Variants in PTPN20 observed in about 807,000 individuals in gnomAD.
PTPN20 encodes the protein tyrosine-protein phosphatase non-receptor type 20.
A neutral mutation model predicts 35.0 loss-of-function variants in PTPN20; 9 were observed. The ratio of observed to expected loss-of-function variants is 0.26; its 90% CI spans 0.15 to 0.45. PTPN20 has a LOEUF of 0.45. PTPN20 is among the 20% of genes least tolerant of loss of function. PTPN20 has a pLI of 1.00. For synonymous variants in PTPN20, 32 were observed against 100.2 expected (o/e 0.32, Z 4.06); for missense variants, 111 against 312.5 (o/e 0.36, Z 4.86).
Position 46,999,930 on chromosome 10 carries a change from GT to G in PTPN20, c.1154del (p.Val385GlyfsTer4). On this transcript the variant is annotated frameshift_variant, in exon 10 of 11. Transcript: ENST00000374339. LOFTEE classifies it high-confidence loss of function. Reference sequence around the variant, plus strand: ...ATTACAGTTCAACATCATGGATATAGTGGCCCAAATGAGAGAACAACGTTCT... The same window carrying G: ...ATTACAGTTCAACATCATGGATATAGGGCCCAAATGAGAGAACAACGTTCT... ...KNCSFNIMDI[V>X]AQMREQRSGM... 6.2e-7 allele frequency: 1 copy of G among 1,613,692 alleles called. No individual in the cohort carries two copies.
chr10:46,940,579 T>C, intron 2 of PTPN20, 44 bp from the exon 3 acceptor site: 1 of 1,532,998 alleles, frequency 6.5e-7, no homozygotes, highest in Non-Finnish European at 9.0e-7. Context: ...TCCTTCTGTA[T>C]AGTGTTTTCT....
At chr10:46,994,233 C>T (rs1251607397) in intron 9 of PTPN20, among the ~76,000 whole-genome samples, 5 of 150,480 alleles carry the variant, frequency 3.3e-5, no homozygotes, top group African/African-American at 1.2e-4. Context: ...TTAGGATCCT[C>T]TCTTTATCCT....
At chr10:46,915,755 C>A (rs1235622448) in intron 1 of PTPN20, among the ~76,000 whole-genome samples, 1 of 28,458 alleles carries the variant, frequency 3.5e-5, no homozygotes, top group African/African-American at 2.9e-4. Context: ...AGGAGAATCA[C>A]TGGAATCTGG....
At chr10:46,997,100 C>T (rs2059244534) in intron 9 of PTPN20, among the ~76,000 whole-genome samples, 1 of 152,112 alleles carries the variant, frequency 6.6e-6, no homozygotes, top group African/African-American at 2.4e-5. Flanking sequence ...TCTTCCAATC[C>T]ATGAACATGG....
Position 47,000,667 on chromosome 10 carries a change from T to A in PTPN20, c.1198-9T>A. ...AACATTCTGTTGTTTTTTATATATA[T>A]GTATATAGGAGCAGTATCACTTTTG... is the stretch of plus-strand genomic sequence containing the variant. On this transcript the variant is annotated splice_polypyrimidine_tract_variant and intron_variant, in intron 10 of 10. Coordinates refer to ENST00000374339, the MANE Select transcript of PTPN20 (RefSeq NM_001042357.5). 3.7e-6 allele frequency: 6 copies of A among 1,613,170 alleles called. No individual in the cohort carries two copies. In the South Asian group the frequency reaches 6.6e-5, roughly 18 times the overall value.
At chr10:46,998,308 A>T (rs1377958310) in intron 9 of PTPN20, among the ~76,000 whole-genome samples, 1 of 152,188 alleles carries the variant, frequency 6.6e-6, no homozygotes, top group Non-Finnish European at 1.5e-5. Flanking sequence ...AAGGAAGCAA[A>T]CTATTGTTAC....
intron 1 of PTPN20, among the ~76,000 whole-genome samples, chr10:46,932,032 T>C (rs1233698087): frequency 2.0e-5 from 3 of 147,696 alleles, no homozygotes; most frequent in Admixed American, 1.3e-4. Flanking sequence ...TTTAAATAAC[T>C]GAGTTTCCAT....
chr10:46,948,613 A>G (rs1271812220), intron 5 of PTPN20, among the ~76,000 whole-genome samples: 1 of 150,984 alleles, frequency 6.6e-6, no homozygotes, highest in Non-Finnish European at 1.5e-5. Context: ...GCAGGGTGTC[A>G]GCTGGGGTGC....
chr10:47,002,566 A>G (rs1022749280), downstream of PTPN20: 11 of 152,168 alleles, frequency 7.2e-5, no homozygotes, highest in East Asian at 2.1e-3. Context: ...AAATAATTTT[A>G]TATCAATAAT....
chr10:46,965,922 C>CT (rs2050445835), intron 6 of PTPN20, among the ~76,000 whole-genome samples: 1 of 23,408 alleles, frequency 4.3e-5, no homozygotes, highest in Non-Finnish European at 6.1e-5. Context: ...TTATTGGTTA[C>CT]TCTTTTTTTT....
chr10:46,997,417 G>C (rs1407507463), intron 9 of PTPN20, among the ~76,000 whole-genome samples: 2 of 150,208 alleles, frequency 1.3e-5, no homozygotes, highest in Admixed American at 6.6e-5. Flanking sequence ...GTCATGCCAT[G>C]TGCATATAGA....
chr10:46,993,962 G>A (rs1343547308), intron 9 of PTPN20, among the ~76,000 whole-genome samples: 2 of 152,080 alleles, frequency 1.3e-5, no homozygotes, highest in Admixed American at 6.5e-5. Context: ...TGAAGAACTC[G>A]CTTTAGCATT....
intron 7 of PTPN20, chr10:46,981,376 T>C (rs2055336071): frequency 1.4e-5 from 2 of 147,244 alleles, no homozygotes; most frequent in African/African-American, 5.0e-5. Context: ...CTCAGCAACA[T>C]GGACTTCCAC....
intron 1 of PTPN20, among the ~76,000 whole-genome samples, chr10:46,928,041 C>T (rs2038193238): frequency 6.7e-6 from 1 of 150,024 alleles, no homozygotes; most frequent in Non-Finnish European, 1.5e-5. Context: ...AGAGTCATTT[C>T]AGAAAGATGT....
intron 4 of PTPN20, among the ~76,000 whole-genome samples, chr10:46,945,422 C>T (rs1428453245): frequency 2.2e-4 from 34 of 152,164 alleles, no homozygotes; most frequent in African/African-American, 8.0e-4. Flanking sequence ...GTAAGAAACC[C>T]GAATTTTCTT....
chr10:46,999,801 A>G (rs1201330060), intron 9 of PTPN20, 111 bp from the exon 10 acceptor site: 26 of 1,298,314 alleles, frequency 2.0e-5, no homozygotes, highest in Non-Finnish European at 2.9e-5. Flanking sequence ...GTGAGTGAAA[A>G]TGAGATCTTT....
At chr10:46,997,718 TAAAA>T (rs1239941747) in intron 9 of PTPN20, among the ~76,000 whole-genome samples, 2 of 144,348 alleles carry the variant, frequency 1.4e-5, no homozygotes, top group Admixed American at 6.9e-5. Context: ...AATCAATAGT[TAAAA>T]AAAAAAGAAA....
At chr10:46,939,216 G>A (rs1251048443) in intron 2 of PTPN20, among the ~76,000 whole-genome samples, 3 of 130,034 alleles carry the variant, frequency 2.3e-5, no homozygotes, top group South Asian at 2.7e-4. Context: ...TTTGATTATT[G>A]GTTTGACTTT....
At chr10:46,988,802 C>T (rs2057331843) in intron 9 of PTPN20, among the ~76,000 whole-genome samples, 1 of 151,246 alleles carries the variant, frequency 6.6e-6, no homozygotes, top group Non-Finnish European at 1.5e-5. Flanking sequence ...TTATAGTTTT[C>T]CTCATAGAAG....
Sources: gnomAD v4.1 joint callset for allele counts (sites outside exome capture counted in the v4.1 genomes callset) on GRCh38, gnomAD v4.1.1 for gene constraint, MANE v1.5 for transcripts, NCBI Gene and HGNC (gene_info 2026-07-23, HGNC 2026-07-21) for gene names.